Variants in NRG3 observed in about 807,000 individuals in gnomAD.
NRG3 encodes neuregulin 3.
In NRG3, 31 loss-of-function variants were observed where a neutral mutation model predicts 66.9. The ratio of observed to expected loss-of-function variants is 0.46; its 90% CI spans 0.35 to 0.63. The LOEUF (loss-of-function observed/expected upper bound fraction) is 0.63, where lower values mean the gene tolerates loss of function less well. NRG3 is among the 20% of genes least tolerant of loss of function. NRG3 has a pLI of 0.00. For missense variants in NRG3, 910 were observed against 878.9 expected (o/e 1.04, Z -0.45); for synonymous variants, 393 against 359.4 (o/e 1.09, Z -1.06).
chr10:82,666,357 G>C (rs533250500), intron 2 of NRG3, among the ~76,000 whole-genome samples: 138 of 152,078 alleles, frequency 9.1e-4, no homozygotes, highest in Non-Finnish European at 1.2e-3. Flanking sequence ...CTGTCTTAAT[G>C]GAAAATTAAA....
chr10:82,451,040 CA>C (rs1227844467), intron 2 of NRG3, among the ~76,000 whole-genome samples: 2 of 152,048 alleles, frequency 1.3e-5, no homozygotes, highest in Non-Finnish European at 2.9e-5. Flanking sequence ...CTTCCTGATA[CA>C]AAAAAGAATA....
chr10:82,973,876 C>T lies in NRG3; in HGVS notation c.1373C>T (p.Pro458Leu). 7.4e-6 allele frequency: 12 copies of T among 1,614,074 alleles called. No individual in the cohort carries two copies. Among genetic ancestry groups the T allele is most frequent in the Non-Finnish European group, 1.0e-5 (12 of 1,179,976 alleles). The change falls in exon 7 of 9, where the codon CCT becomes CTT. Residue 458 changes from proline to leucine, a missense_variant. Transcript: ENST00000372141. ...GGCCCCCAGTCATTCCCTGAGGTCC[C>T]TTCTCCTGACAGAGGAAGCCAGTCT... ...FVGPQSFPEV[P>L]SPDRGSQSVK...
intron 1 of NRG3, among the ~76,000 whole-genome samples, chr10:82,308,932 T>G (rs2080885753): frequency 6.6e-6 from 1 of 152,180 alleles, no homozygotes; most frequent in African/African-American, 2.4e-5. Context: ...CTGTTTTCCT[T>G]CTCTTCCAGA....
chr10:82,132,496 T>TATATATATATG (rs1564593552), intron 1 of NRG3, among the ~76,000 whole-genome samples: 2 of 50,270 alleles, frequency 4.0e-5, no homozygotes, highest in African/African-American at 1.1e-4. Context: ...ATATATGATA[T>TATATATATATG]ATATATATCA....
chr10:82,145,845 A>G (rs1003773019), intron 1 of NRG3, among the ~76,000 whole-genome samples: 6 of 151,774 alleles, frequency 4.0e-5, no homozygotes, highest in East Asian at 3.9e-4. Flanking sequence ...TTTTTTTCCC[A>G]TATTCATTAG....
chr10:82,547,610 T>C (rs896128164), intron 2 of NRG3, among the ~76,000 whole-genome samples: 5 of 151,508 alleles, frequency 3.3e-5, no homozygotes, highest in Admixed American at 6.6e-5. Flanking sequence ...TGTATATATG[T>C]ACATATACAT....
intron 2 of NRG3, among the ~76,000 whole-genome samples, chr10:82,451,968 T>G (rs2091036146): frequency 1.3e-5 from 2 of 152,142 alleles, no homozygotes; most frequent in Non-Finnish European, 2.9e-5. Context: ...AAATGTTATC[T>G]CTATGGAAAG....
chr10:82,820,657 G>T (rs1218518061), intron 3 of NRG3, among the ~76,000 whole-genome samples: 1 of 152,250 alleles, frequency 6.6e-6, no homozygotes, highest in South Asian at 2.1e-4. Flanking sequence ...TAATGTCCAG[G>T]AGAAGATATG....
At chr10:82,492,983 G>A (rs1339850622) in intron 2 of NRG3, among the ~76,000 whole-genome samples, 2 of 152,180 alleles carry the variant, frequency 1.3e-5, no homozygotes, top group African/African-American at 2.4e-5. Context: ...TTACTAATGA[G>A]CATGGATGGA....
At chr10:82,254,653 A>G (rs2077629608) in intron 1 of NRG3, among the ~76,000 whole-genome samples, 1 of 142,370 alleles carries the variant, frequency 7.0e-6, no homozygotes, top group African/African-American at 2.5e-5. Context: ...AACAAAACAA[A>G]TACACACACA....
At chr10:82,280,391 A>C (rs946069647) in intron 1 of NRG3, among the ~76,000 whole-genome samples, 3 of 152,198 alleles carry the variant, frequency 2.0e-5, no homozygotes, top group Non-Finnish European at 4.4e-5. Flanking sequence ...CCTTGGAAAA[A>C]TGATAAATGT....
chr10:82,343,391 T>C (rs1480549209), intron 1 of NRG3, among the ~76,000 whole-genome samples: 1 of 151,968 alleles, frequency 6.6e-6, no homozygotes, highest in East Asian at 1.9e-4. Context: ...ACACTAATCA[T>C]AGATGACACA....
At chr10:82,771,418 A>AAGG (rs2059707534) in intron 3 of NRG3, among the ~76,000 whole-genome samples, 2 of 152,146 alleles carry the variant, frequency 1.3e-5, no homozygotes, top group Admixed American at 1.3e-4. Flanking sequence ...TAGGTACTAT[A>AAGG]GTTGCTGACA....
chr10:82,830,152 CAG>C (rs1440976013), intron 3 of NRG3, among the ~76,000 whole-genome samples: 1 of 152,170 alleles, frequency 6.6e-6, no homozygotes, highest in Non-Finnish European at 1.5e-5. Context: ...CTCTTCTTTG[CAG>C]AGTCATAAGT....
intron 1 of NRG3, among the ~76,000 whole-genome samples, chr10:82,075,050 A>G (rs1436531627): frequency 6.6e-6 from 1 of 152,164 alleles, no homozygotes; most frequent in Non-Finnish European, 1.5e-5. Context: ...GAATCGATGA[A>G]TGAATTTAAG....
At chr10:82,847,052 T>C (rs781082114) in intron 3 of NRG3, among the ~76,000 whole-genome samples, 1 of 152,212 alleles carries the variant, frequency 6.6e-6, no homozygotes, top group Admixed American at 6.5e-5. Flanking sequence ...TCCAGTTCCT[T>C]AAGTTCTTCT....
chr10:82,174,006 T>A (rs575530840), intron 1 of NRG3, among the ~76,000 whole-genome samples: 1 of 152,276 alleles, frequency 6.6e-6, no homozygotes, highest in African/African-American at 2.4e-5. Flanking sequence ...TTCCTACAAT[T>A]CAGGTTCTCA....
intron 3 of NRG3, among the ~76,000 whole-genome samples, chr10:82,786,407 T>C (rs1293505435): frequency 6.6e-6 from 1 of 152,220 alleles, no homozygotes; most frequent in Non-Finnish European, 1.5e-5. Context: ...GGTTTAGTAC[T>C]GACTTGGGGC....
At chr10:82,739,579 A>G (rs1312357344) in intron 3 of NRG3, among the ~76,000 whole-genome samples, 1 of 152,206 alleles carries the variant, frequency 6.6e-6, no homozygotes, top group Admixed American at 6.5e-5. Flanking sequence ...GGCATCTTCC[A>G]ACATCTTTTC....
Sources: gnomAD v4.1 joint callset for allele counts (sites outside exome capture counted in the v4.1 genomes callset) on GRCh38, gnomAD v4.1.1 for gene constraint, MANE v1.5 for transcripts, NCBI Gene and HGNC (gene_info 2026-07-23, HGNC 2026-07-21) for gene names.